The following HEPHL1 variants were observed in gnomAD, a reference collection of about 807,000 sequenced individuals.
The protein encoded by HEPHL1 is ferroxidase HEPHL1.
In HEPHL1, 123 loss-of-function variants were observed where a neutral mutation model predicts 122.0. That is an observed-to-expected ratio of 1.01 (90% confidence interval 0.87 to 1.17). HEPHL1 has a LOEUF of 1.17. Among genes scored for constraint, HEPHL1 ranks in the 50% most tolerant of loss-of-function variants. The pLI, the probability that HEPHL1 is intolerant of heterozygous loss-of-function variation, is 0.00. For missense variants in HEPHL1, 1,452 were observed against 1,430.5 expected, an observed-to-expected ratio of 1.01 and a Z score of -0.24; for synonymous variants, 527 against 508.9, an observed-to-expected ratio of 1.04 and a Z score of -0.48.
chr11:94,039,673 C>T (rs867815398), intron 1 of HEPHL1, among the ~76,000 whole-genome samples: 55 of 149,690 alleles, frequency 3.7e-4, no homozygotes, highest in East Asian at 1.4e-3. Context: ...TTGAAACCAA[C>T]GAGAACAAAG....
intron 1 of HEPHL1, among the ~76,000 whole-genome samples, chr11:94,035,486 C>G (rs1945712434): frequency 6.6e-6 from 1 of 152,120 alleles, no homozygotes; most frequent in Non-Finnish European, 1.5e-5. Context: ...TGGGAGAGTT[C>G]CTTTTTTTAA....
At chr11:94,057,542 A>G (rs1350479526) in intron 2 of HEPHL1, among the ~76,000 whole-genome samples, 2 of 152,006 alleles carry the variant, frequency 1.3e-5, no homozygotes, top group Admixed American at 6.5e-5. Flanking sequence ...TCTTGAATAT[A>G]TTGTTGAGCT....
chr11:94,106,418 G>A (rs1318634329), intron 17 of HEPHL1, among the ~76,000 whole-genome samples: 3 of 150,538 alleles, frequency 2.0e-5, no homozygotes, highest in Admixed American at 6.7e-5. Flanking sequence ...TCAGCCTCCC[G>A]AGTAGCTGGG....
At chr11:94,031,061 C>T (rs2134404655) in intron 1 of HEPHL1, among the ~76,000 whole-genome samples, 1 of 152,202 alleles carries the variant, frequency 6.6e-6, no homozygotes, top group African/African-American at 2.4e-5. Flanking sequence ...AAATAGAAGG[C>T]ATGCAAGAGA....
At position 94,106,614 on chromosome 11, in the gene HEPHL1, A is replaced by G. The variant is rs376698063; in HGVS notation, c.3045+484A>G. Among the ~76,000 whole-genome samples, 5 of 151,984 alleles carry G rather than the reference A, an allele frequency of 3.3e-5. No homozygotes were observed. The East Asian group carries it at 9.6e-4, about 29-fold the overall frequency. ...CAGGCCTGGCTATTTCTTAATATGT[A>G]TATGTATATTATTGTGCTTATAAAA... On this transcript the variant is annotated intron_variant, in intron 17 of 19. Coordinates refer to ENST00000315765, the MANE Select transcript of HEPHL1 (RefSeq NM_001098672.2).
intron 8 of HEPHL1, 134 bp from the exon 9 acceptor site, chr11:94,075,040 C>T: frequency 1.5e-6 from 1 of 679,476 alleles, no homozygotes; most frequent in Non-Finnish European, 2.6e-6. Flanking sequence ...TGGTAGGATA[C>T]ATAAGAGAAA....
intron 2 of HEPHL1, among the ~76,000 whole-genome samples, chr11:94,046,357 C>CA (rs917430628): frequency 6.6e-6 from 1 of 151,412 alleles, no homozygotes; most frequent in Admixed American, 6.6e-5. Flanking sequence ...CTCAGCCTCT[C>CA]AAAGTGCTGG....
At chr11:94,052,306 T>C (rs1945897603) in intron 2 of HEPHL1, among the ~76,000 whole-genome samples, 1 of 152,116 alleles carries the variant, frequency 6.6e-6, no homozygotes, top group Non-Finnish European at 1.5e-5. Flanking sequence ...ATCAGTGTTT[T>C]ATAGTTTTCA....
chr11:94,086,485 T>C (rs141282377), intron 11 of HEPHL1, among the ~76,000 whole-genome samples: 1 of 152,194 alleles, frequency 6.6e-6, no homozygotes, highest in East Asian at 1.9e-4. Flanking sequence ...AATTCAGCCC[T>C]GATAAAGTGG....
In HEPHL1 at chr11:94,101,283, T is replaced by A. The variant is rs770636108; in HGVS notation, c.2523T>A (p.Gly841=). 24 of 1,613,650 alleles carry A rather than the reference T, an allele frequency of 1.5e-5. No homozygotes were observed. The highest frequency in any genetic ancestry group is 6.7e-5 in the Admixed American group (4 of 59,970). Residue 841 remains glycine, a synonymous_variant, in exon 14 of 20, where the codon GGT becomes GGA. Coordinates refer to ENST00000315765, the MANE Select transcript of HEPHL1 (RefSeq NM_001098672.2). ...GGCCCTACTCCATCTCAGCCCAGGG[T>A]GTGGAGGAGATGGATAGTGGAAAGC... ...ASRPYSISAQ[G]VEEMDSGKQF...
chr11:94,088,458 T>C (rs2949856), intron 11 of HEPHL1, among the ~76,000 whole-genome samples: 96,639 of 152,006 alleles, frequency 0.64, 31,077 homozygotes, highest in Admixed American at 0.74. Flanking sequence ...CAGACTGTCT[T>C]CTAATAGGTG....
chr11:94,025,723 C>A (rs1945618823), intron 1 of HEPHL1, among the ~76,000 whole-genome samples: 1 of 152,074 alleles, frequency 6.6e-6, no homozygotes, highest in South Asian at 2.1e-4. Context: ...ACTCACACAT[C>A]TATCTGAAAG....
rs1198483671 is a variant in HEPHL1 at position 94,065,525 on chromosome 11, T to C, written c.808+1015T>C. On this transcript the variant is annotated intron_variant, in intron 4 of 19. Coordinates refer to ENST00000315765, the MANE Select transcript of HEPHL1 (RefSeq NM_001098672.2). ...AGTACATTGATTATTTCCATTGTAT[T>C]GCATGCCTTCTTTTTTCCTTCTAGT... 2.0e-5 allele frequency among the ~76,000 whole-genome samples: 3 copies of C among 152,226 alleles called. No homozygotes were observed. In the East Asian group the frequency reaches 5.8e-4, roughly 29 times the overall value.
chr11:94,031,359 C>A (rs1199261121), intron 1 of HEPHL1, among the ~76,000 whole-genome samples: 1 of 151,698 alleles, frequency 6.6e-6, no homozygotes, highest in East Asian at 1.9e-4. Flanking sequence ...CACACACACA[C>A]ACACACACAC....
intron 2 of HEPHL1, among the ~76,000 whole-genome samples, chr11:94,052,591 G>A (rs1209932674): frequency 6.6e-6 from 1 of 151,762 alleles, no homozygotes; most frequent in African/African-American, 2.4e-5. Flanking sequence ...TTTCCAGTTT[G>A]GATGTCCTTA....
intron 1 of HEPHL1, among the ~76,000 whole-genome samples, chr11:94,031,854 C>G (rs569416145): frequency 1.3e-5 from 2 of 152,286 alleles, no homozygotes; most frequent in East Asian, 3.9e-4. Flanking sequence ...ATAAATAGCA[C>G]GGATCTCCTT....
At chr11:94,038,104 G>A (rs927571583) in intron 1 of HEPHL1, among the ~76,000 whole-genome samples, 3 of 150,264 alleles carry the variant, frequency 2.0e-5, no homozygotes, top group Non-Finnish European at 3.0e-5. Context: ...GCGATCGACT[G>A]GAAGAAAGGG....
chr11:94,070,016 A>G (rs1157902902), intron 5 of HEPHL1, among the ~76,000 whole-genome samples: 1 of 152,084 alleles, frequency 6.6e-6, no homozygotes, highest in African/African-American at 2.4e-5. Context: ...TCATTTGAAA[A>G]CTGTTAAGGT....
At chr11:94,058,806 T>A (rs1945961624) in intron 2 of HEPHL1, among the ~76,000 whole-genome samples, 1 of 152,160 alleles carries the variant, frequency 6.6e-6, no homozygotes, top group African/African-American at 2.4e-5. Context: ...CCTCTAGCAA[T>A]CCTCACATCT....
Sources: gnomAD v4.1 joint callset for allele counts (sites outside exome capture counted in the v4.1 genomes callset) on GRCh38, gnomAD v4.1.1 for gene constraint, MANE v1.5 for transcripts, NCBI Gene and HGNC (gene_info 2026-07-23, HGNC 2026-07-21) for gene names.